Variants in ADAMTS17 observed in about 807,000 individuals in gnomAD.
ADAMTS17 encodes A disintegrin and metalloproteinase with thrombospondin motifs 17.
A neutral mutation model predicts 141.5 loss-of-function variants in ADAMTS17; 113 were observed. The observed-to-expected ratio is 0.80, with a 90% CI of 0.69 to 0.93. The LOEUF (loss-of-function observed/expected upper bound fraction) is 0.93. Among genes scored for constraint, ADAMTS17 ranks in the 40% least tolerant of loss-of-function variants. The probability of loss-of-function intolerance (pLI) is 0.00; values close to 1 mark genes in which losing one functional copy is unlikely to be tolerated. For missense variants in ADAMTS17, 1,659 were observed against 1,517.9 expected, an observed-to-expected ratio of 1.09 and a Z score of -1.54; for synonymous variants, 768 against 630.6, an observed-to-expected ratio of 1.22 and a Z score of -3.27.
At chr15:100,233,527 T>C (rs2042556526) in intron 7 of ADAMTS17, among the ~76,000 whole-genome samples, 1 of 152,160 alleles carries the variant, frequency 6.6e-6, no homozygotes, top group Admixed American at 6.5e-5. Context: ...AATGTTTTGA[T>C]TAGTGAAATC....
chr15:100,305,640 C>T (rs1324049348), intron 3 of ADAMTS17, among the ~76,000 whole-genome samples: 1 of 152,192 alleles, frequency 6.6e-6, no homozygotes, highest in Non-Finnish European at 1.5e-5. Context: ...TGAGACTGTA[C>T]ATTCTGAGGA....
At chr15:100,195,613 CAAAAAAAAAA>C (rs71287815) in intron 8 of ADAMTS17, among the ~76,000 whole-genome samples, 1 of 63,646 alleles carries the variant, frequency 1.6e-5, no homozygotes, top group South Asian at 7.2e-4. Context: ...TGTTTGGTCT[CAAAAAAAAAA>C]AAAAAAAAAA....
rs537293107 is a variant in ADAMTS17, at chr15:100,206,720, C to T, written c.1076-7297G>A. On this transcript the variant is annotated intron_variant, in intron 7 of 21. Transcript: ENST00000268070. ...GTGGGGAACGGGACAACTAAGTCTTCCATGGGGTCAGATATCCCCAAAGGG... is the reference window on the plus strand; with the variant it reads ...GTGGGGAACGGGACAACTAAGTCTTTCATGGGGTCAGATATCCCCAAAGGG... Among the ~76,000 whole-genome samples the T allele has an allele frequency of 2.6e-5, 4 of 152,234 alleles. No individual in the cohort carries two copies. In the South Asian group the frequency reaches 8.3e-4, roughly 32 times the overall value.
rs368268152 is a variant in ADAMTS17, at chr15:100,199,338, G to C, written c.1161C>G (p.Ile387Met). ...EDNGLNLAFT[I>M]AHELGHNLGM... Reference sequence around the variant, plus strand: ...CTTACTTGTGGCCCAGCTCATGGGCGATGGTAAAGGCCAAATTGAGACCAT... The same window carrying C: ...CTTACTTGTGGCCCAGCTCATGGGCCATGGTAAAGGCCAAATTGAGACCAT... The change falls in exon 8 of 22, where the codon ATC becomes ATG. Residue 387 changes from isoleucine (I) to methionine (M), a missense_variant. Transcript: ENST00000268070. The C allele has an allele frequency of 6.2e-7, 1 of 1,614,190 alleles. No individual in the cohort carries two copies. The highest frequency in any genetic ancestry group is 8.5e-7 in the Non-Finnish European group (1 of 1,180,014).
chr15:100,136,421 C>A (rs1485907389), intron 10 of ADAMTS17, among the ~76,000 whole-genome samples: 2 of 152,222 alleles, frequency 1.3e-5, no homozygotes, highest in African/African-American at 4.8e-5. Context: ...CAAGTCCTCA[C>A]CATTCTTGTG....
chr15:100,011,304 A>AGGGT (rs2061167001), intron 18 of ADAMTS17, among the ~76,000 whole-genome samples: 1 of 71,306 alleles, frequency 1.4e-5, no homozygotes, highest in Non-Finnish European at 2.9e-5. Context: ...GAGGGAGGGG[A>AGGGT]GGGAAGGAAA....
chr15:100,002,206 G>A (rs2060942312), intron 18 of ADAMTS17, among the ~76,000 whole-genome samples: 1 of 151,860 alleles, frequency 6.6e-6, no homozygotes. Flanking sequence ...CTGCCCTTTT[G>A]CAGTTGACTT....
intron 18 of ADAMTS17, among the ~76,000 whole-genome samples, chr15:100,008,023 G>A (rs986851893): frequency 8.5e-5 from 13 of 152,146 alleles, no homozygotes. Flanking sequence ...CTGTAGTGCT[G>A]GGGCCTGAAA....
chr15:100,330,139 T>C lies in ADAMTS17; in HGVS notation c.616+750A>G, dbSNP rs143857319. Among the ~76,000 whole-genome samples the C allele has an allele frequency of 6.7e-4, 102 of 152,184 alleles. 1 individual carries two copies. The highest frequency in any genetic ancestry group is 2.4e-3 in the African/African-American group (99 of 41,504). On this transcript the variant is annotated intron_variant, in intron 3 of 21. Coordinates refer to ENST00000268070, the MANE Select transcript of ADAMTS17 (RefSeq NM_139057.4). Reference sequence around the variant, plus strand: ...AGGTGACAGGTCATCCACATTAGGGTTGTTCAAAGAGAGACCCAGAGTATA... The same window carrying C: ...AGGTGACAGGTCATCCACATTAGGGCTGTTCAAAGAGAGACCCAGAGTATA...
intron 4 of ADAMTS17, among the ~76,000 whole-genome samples, chr15:100,278,570 C>T (rs1197495550): frequency 6.6e-6 from 1 of 152,130 alleles, no homozygotes; most frequent in Non-Finnish European, 1.5e-5. Flanking sequence ...CGACATGAGG[C>T]CTCTACTCTG....
chr15:100,036,225 A>G (rs1012923854), intron 18 of ADAMTS17, among the ~76,000 whole-genome samples: 4 of 152,232 alleles, frequency 2.6e-5, no homozygotes, highest in Non-Finnish European at 5.9e-5. Context: ...GAGAGGCAGC[A>G]AGGGGAAGGT....
At chr15:100,134,516 T>C (rs1217804215) in intron 10 of ADAMTS17, among the ~76,000 whole-genome samples, 2 of 152,158 alleles carry the variant, frequency 1.3e-5, no homozygotes, top group African/African-American at 4.8e-5. Context: ...CTGAGCAGGA[T>C]GAAGGTCAAG....
chr15:100,339,243 C>T (rs2046293738), intron 2 of ADAMTS17: 2 of 816,510 alleles, frequency 2.4e-6, no homozygotes, highest in South Asian at 5.6e-5. Context: ...ATGACAGGGC[C>T]CAGCCCTCAT....
At chr15:100,179,003 G>A (rs1050181517) in intron 8 of ADAMTS17, among the ~76,000 whole-genome samples, 2 of 151,946 alleles carry the variant, frequency 1.3e-5, no homozygotes, top group African/African-American at 4.8e-5. Flanking sequence ...TGTATTTATG[G>A]GGTGCATGAG....
chr15:100,241,628 G>C (rs758571817), intron 7 of ADAMTS17, among the ~76,000 whole-genome samples: 3 of 152,132 alleles, frequency 2.0e-5, no homozygotes, highest in Non-Finnish European at 4.4e-5. Context: ...ATGGATGCTG[G>C]GCCAGGCCTA....
Position 100,096,426 on chromosome 15 carries a change from G to A in ADAMTS17, c.2067C>T (p.Cys689=), listed in dbSNP as rs200809221. ...IIGSAAKEDR[C]GVCSGDGKTC... ...TCTTGCCGTCCCCGCTGCAGACCCC[G>A]CATCTGTCCTCTTTGGCTGCAGACC... Residue 689 remains cysteine, a synonymous_variant, in exon 15 of 22, where the codon TGC becomes TGT. Coordinates refer to ENST00000268070, the MANE Select transcript of ADAMTS17 (RefSeq NM_139057.4). The A allele has an allele frequency of 2.2e-5, 35 of 1,614,080 alleles. No individual in the cohort carries two copies. Among genetic ancestry groups the A allele is most frequent in the Non-Finnish European group, 2.7e-5 (32 of 1,180,028 alleles).
chr15:100,323,673 A>G lies in ADAMTS17; in HGVS notation c.616+7216T>C, dbSNP rs117480050. 1.0e-2 allele frequency among the ~76,000 whole-genome samples: 1,516 copies of G among 152,324 alleles called. 71 individuals are homozygous for G. Among genetic ancestry groups the G allele is most frequent in the Admixed American group, 0.082 (1,249 of 15,300 alleles). ...AAATAGAAATTCAAAAATAAAAACAAAACCAAGCCAGTTCTTCGAAAAGGT... is the reference window on the plus strand; with the variant it reads ...AAATAGAAATTCAAAAATAAAAACAGAACCAAGCCAGTTCTTCGAAAAGGT... On this transcript the variant is annotated intron_variant, in intron 3 of 21. Transcript: ENST00000268070.
At chr15:100,071,988 A>G (rs1044811518) in intron 15 of ADAMTS17, among the ~76,000 whole-genome samples, 1 of 150,236 alleles carries the variant, frequency 6.7e-6, no homozygotes, top group Non-Finnish European at 1.5e-5. Flanking sequence ...AGATGACATG[A>G]CTGTATATCT....
intron 18 of ADAMTS17, among the ~76,000 whole-genome samples, chr15:99,999,917 C>A (rs1304485155): frequency 1.3e-5 from 2 of 152,210 alleles, no homozygotes. Flanking sequence ...AAGTTCCAAT[C>A]CTCTTGGCAG....
Sources: gnomAD v4.1 joint callset for allele counts (sites outside exome capture counted in the v4.1 genomes callset) on GRCh38, gnomAD v4.1.1 for gene constraint, MANE v1.5 for transcripts, NCBI Gene and HGNC (gene_info 2026-07-23, HGNC 2026-07-21) for gene names.